IQGAP2: variants seen among roughly 807,000 people sequenced by gnomAD.
IQGAP2 encodes the protein IQ motif containing GTPase activating protein 2.
Under a neutral mutation model 201.3 loss-of-function variants are expected in IQGAP2, and 173 were observed. The observed-to-expected ratio is 0.86, with a 90% CI of 0.76 to 0.98. IQGAP2 has a LOEUF of 0.98. Ranked by LOEUF, IQGAP2 falls within the 50% of genes least tolerant of loss-of-function variation. The pLI is 0.00. For missense variants in IQGAP2, 1,687 were observed against 1,864.8 expected, an observed-to-expected ratio of 0.90 and a Z score of 1.76; for synonymous variants, 675 against 673.9, an observed-to-expected ratio of 1.00 and a Z score of -0.03.
intron 1 of IQGAP2, among the ~76,000 whole-genome samples, chr5:76,446,369 T>G (rs1180434021): frequency 2.0e-5 from 3 of 152,186 alleles, no homozygotes; most frequent in Middle Eastern, 3.2e-3. Context: ...TTAATGCATT[T>G]TTTAATATGT....
chr5:76,598,127 C>G (rs1482709960), intron 10 of IQGAP2, among the ~76,000 whole-genome samples: 2 of 151,974 alleles, frequency 1.3e-5, no homozygotes, highest in African/African-American at 4.8e-5. Context: ...AACAATGAAA[C>G]AAAATGAAAA....
chr5:76,663,676 A>G (rs978183972), intron 21 of IQGAP2, among the ~76,000 whole-genome samples: 5 of 150,546 alleles, frequency 3.3e-5, no homozygotes, highest in African/African-American at 1.2e-4. Context: ...CCAGTACCAC[A>G]GGCATGAGCC....
At chr5:76,423,632 AAT>A (rs1271947739) in intron 1 of IQGAP2, among the ~76,000 whole-genome samples, 1 of 152,168 alleles carries the variant, frequency 6.6e-6, no homozygotes, top group African/African-American at 2.4e-5. Flanking sequence ...AAAAAGGAGA[AAT>A]AGTGCTTGGT....
chr5:76,622,312 C>A (rs1057316199), intron 13 of IQGAP2, among the ~76,000 whole-genome samples: 1 of 152,172 alleles, frequency 6.6e-6, no homozygotes, highest in Admixed American at 6.6e-5. Context: ...TTCATAAATC[C>A]CACATGTGCT....
chr5:76,543,929 T>C (rs993523155), intron 2 of IQGAP2, among the ~76,000 whole-genome samples: 3 of 152,210 alleles, frequency 2.0e-5, no homozygotes, highest in Admixed American at 6.5e-5. Context: ...TACAGAACAA[T>C]AATGAAATTG....
chr5:76,537,672 C>T (rs1759706819), intron 2 of IQGAP2, among the ~76,000 whole-genome samples: 2 of 152,140 alleles, frequency 1.3e-5, no homozygotes, highest in Non-Finnish European at 2.9e-5. Flanking sequence ...AAAGTATTTG[C>T]ATTTTTAGAC....
chr5:76,438,480 T>C (rs1752842296), intron 1 of IQGAP2, among the ~76,000 whole-genome samples: 1 of 152,112 alleles, frequency 6.6e-6, no homozygotes, highest in South Asian at 2.1e-4. Context: ...TGTCGCTGTG[T>C]TGTCCAGGCT....
At chr5:76,417,056 T>G (rs1348066411) in intron 1 of IQGAP2, among the ~76,000 whole-genome samples, 1 of 152,178 alleles carries the variant, frequency 6.6e-6, no homozygotes, top group East Asian at 1.9e-4. Context: ...GGTCTGAGCT[T>G]CTTTCTACAT....
chr5:76,406,811 A>G (rs1483215554), intron 1 of IQGAP2, among the ~76,000 whole-genome samples: 1 of 132,104 alleles, frequency 7.6e-6, no homozygotes, highest in Non-Finnish European at 1.7e-5. Context: ...CATAGGCAAG[A>G]ACTGTGGTTT....
Position 76,683,771 on chromosome 5 carries a change from T to C in IQGAP2, c.3764-5T>C, listed in dbSNP as rs1387425476. On this transcript the variant is annotated splice_region_variant and splice_polypyrimidine_tract_variant and intron_variant, in intron 29 of 35. Transcript: ENST00000274364. ...GAAAAATAACACTAGGTTTTTTCCC[T>C]ACAGGGGAAGGAGCAGTTGACCCCA... 3 of 1,608,078 alleles carry C rather than the reference T, an allele frequency of 1.9e-6. No individual in the cohort carries two copies. Among genetic ancestry groups the C allele is most frequent in the Non-Finnish European group, 2.5e-6 (3 of 1,177,142 alleles).
intron 2 of IQGAP2, among the ~76,000 whole-genome samples, chr5:76,463,907 G>A (rs1441821065): frequency 1.3e-5 from 2 of 151,260 alleles, no homozygotes; most frequent in East Asian, 1.9e-4. Context: ...GACTGCAGTG[G>A]CGGGATCTCA....
chr5:76,468,257 A>G (rs1184422827), intron 2 of IQGAP2, among the ~76,000 whole-genome samples: 1 of 152,196 alleles, frequency 6.6e-6, no homozygotes, highest in Non-Finnish European at 1.5e-5. Flanking sequence ...AGATATCTAA[A>G]TACTGTGTTT....
intron 10 of IQGAP2, among the ~76,000 whole-genome samples, chr5:76,599,454 T>C (rs11952962): frequency 0.17 from 25,257 of 152,132 alleles, 2,253 homozygotes; most frequent in Admixed American, 0.28. Flanking sequence ...TCTCTCCTTA[T>C]CCTTTTTGCT....
At chr5:76,411,040 G>A (rs1412391921) in intron 1 of IQGAP2, among the ~76,000 whole-genome samples, 1 of 152,166 alleles carries the variant, frequency 6.6e-6, no homozygotes, top group Non-Finnish European at 1.5e-5. Context: ...TAACAGCAGC[G>A]GAGCATCTCC....
intron 33 of IQGAP2, among the ~76,000 whole-genome samples, chr5:76,699,034 A>C (rs2150552977): frequency 6.6e-6 from 1 of 152,296 alleles, no homozygotes; most frequent in East Asian, 1.9e-4. Flanking sequence ...ATACATTATT[A>C]TTAGCTATAT....
At chr5:76,454,663 G>A (rs1330408354) in intron 1 of IQGAP2, among the ~76,000 whole-genome samples, 1 of 149,080 alleles carries the variant, frequency 6.7e-6, no homozygotes, top group Non-Finnish European at 1.5e-5. Context: ...TGGTGTATAT[G>A]TGCCACATTT....
chr5:76,495,759 G>A (rs887264765), intron 2 of IQGAP2, among the ~76,000 whole-genome samples: 1 of 152,160 alleles, frequency 6.6e-6, no homozygotes, highest in African/African-American at 2.4e-5. Context: ...GCAGGAGAGG[G>A]AGAGAGAAGG....
intron 5 of IQGAP2, among the ~76,000 whole-genome samples, chr5:76,587,027 G>C (rs1746295415): frequency 6.6e-6 from 1 of 152,202 alleles, no homozygotes; most frequent in Admixed American, 6.5e-5. Flanking sequence ...AAGGCCCAAA[G>C]ATATGGTACC....
At chr5:76,489,730 G>T (rs1055657746) in intron 2 of IQGAP2, among the ~76,000 whole-genome samples, 1 of 152,222 alleles carries the variant, frequency 6.6e-6, no homozygotes, top group African/African-American at 2.4e-5. Flanking sequence ...GCCTCCCAAA[G>T]TGCTGGGATT....
Sources: allele counts gnomAD v4.1 joint callset (sites outside exome capture counted in the v4.1 genomes callset), GRCh38; gene constraint gnomAD v4.1.1; transcripts MANE v1.5; gene names NCBI Gene and HGNC (gene_info 2026-07-23, HGNC 2026-07-21).